FYN: variants seen among roughly 807,000 people sequenced by gnomAD.
The protein encoded by FYN is FYN proto-oncogene, Src family tyrosine kinase, also known as tyrosine-protein kinase Fyn.
Under a neutral mutation model 70.2 loss-of-function variants are expected in FYN, and 10 were observed. The observed-to-expected ratio is 0.14, with a 90% CI of 0.09 to 0.24. The LOEUF is 0.24. Among genes scored for constraint, FYN ranks in the 10% least tolerant of loss-of-function variants. The probability of loss-of-function intolerance (pLI) is 1.00; values close to 1 mark genes in which losing one functional copy is unlikely to be tolerated. For missense variants in FYN, 319 were observed against 673.1 expected, an observed-to-expected ratio of 0.47 and a Z score of 5.82; for synonymous variants, 236 against 248.6, an observed-to-expected ratio of 0.95 and a Z score of 0.48.
intron 3 of FYN, among the ~76,000 whole-genome samples, chr6:111,775,259 C>T (rs1053252024): frequency 2.6e-5 from 4 of 152,176 alleles, no homozygotes; most frequent in South Asian, 2.1e-4. Flanking sequence ...ATAAAAACTA[C>T]AGCATAGTGT....
At chr6:111,679,454 T>G (rs1798690728) in intron 12 of FYN, among the ~76,000 whole-genome samples, 2 of 152,212 alleles carry the variant, frequency 1.3e-5, no homozygotes, top group South Asian at 4.1e-4. Flanking sequence ...GGAGCATGTC[T>G]TCCCAGATGG....
intron 3 of FYN, among the ~76,000 whole-genome samples, chr6:111,752,739 A>G (rs1802543726): frequency 6.6e-6 from 1 of 152,184 alleles, no homozygotes; most frequent in African/African-American, 2.4e-5. Context: ...AAGAGTTCTA[A>G]GCAAGAATGA....
At chr6:111,773,477 G>A (rs111210427) in intron 3 of FYN, among the ~76,000 whole-genome samples, 1,802 of 44,674 alleles carry the variant, frequency 0.04, 125 homozygotes, top group African/African-American at 0.14. Flanking sequence ...AAGGGAAAAC[G>A]AGAGGGAGAG....
chr6:111,873,402 C>A lies in FYN; in HGVS notation c.-557G>T, dbSNP rs1554298270. On this transcript the variant is annotated 5_prime_UTR_variant, in exon 1 of 14. Coordinates refer to ENST00000354650, the MANE Select transcript of FYN (RefSeq NM_002037.5). ...CTGACAGATGGCGCAACTGCAACGA[C>A]GCGCCGCCGCCACCAGCGCGGCTGC... 2 of 151,730 alleles carry A rather than the reference C, an allele frequency of 1.3e-5. No homozygotes were observed. Among genetic ancestry groups the A allele is most frequent in the Admixed American group, 6.5e-5 (1 of 15,274 alleles). 9.4% of individuals were successfully genotyped at this position (151,730 alleles called of 1,614,324 possible).
chr6:111,872,500 G>A (rs1029830127), intron 1 of FYN, among the ~76,000 whole-genome samples: 1 of 138,352 alleles, frequency 7.2e-6, no homozygotes, highest in Non-Finnish European at 1.6e-5. Context: ...GAAGGCGACC[G>A]CCGCCGAGGG....
intron 5 of FYN, 119 bp downstream of exon 5, chr6:111,714,228 A>G (rs1800516441): frequency 8.9e-6 from 6 of 674,788 alleles, no homozygotes; most frequent in Middle Eastern, 2.4e-4. Flanking sequence ...GTTGTAAACC[A>G]GTGAATTTAG....
intron 2 of FYN, among the ~76,000 whole-genome samples, chr6:111,796,333 T>C (rs1449448332): frequency 6.6e-6 from 1 of 152,250 alleles, no homozygotes; most frequent in East Asian, 1.9e-4. Flanking sequence ...CTGTGCTTTT[T>C]CTATGTTTAG....
chr6:111,703,187 T>C (rs1391520042), intron 7 of FYN, among the ~76,000 whole-genome samples, 153 bp from the exon 8 acceptor site: 1 of 152,220 alleles, frequency 6.6e-6, no homozygotes, highest in African/African-American at 2.4e-5. Flanking sequence ...AGGAAGAAGA[T>C]GCTTCTTGAT....
intron 3 of FYN, among the ~76,000 whole-genome samples, chr6:111,734,732 C>A (rs1256972379): frequency 3.3e-5 from 5 of 152,208 alleles, no homozygotes; most frequent in Non-Finnish European, 7.3e-5. Flanking sequence ...TCCGAAATCA[C>A]CATAGTAACA....
Position 111,694,970 on chromosome 6 carries a change from C to T in FYN, c.1043-266G>A, listed in dbSNP as rs538044451. Among the ~76,000 whole-genome samples the T allele has an allele frequency of 2.1e-4, 32 of 152,266 alleles. No homozygotes were observed. Among genetic ancestry groups the T allele is most frequent in the Non-Finnish European group, 3.7e-4 (25 of 68,028 alleles). On this transcript the variant is annotated intron_variant, in intron 10 of 13. Coordinates refer to ENST00000354650, the MANE Select transcript of FYN (RefSeq NM_002037.5). This position sits in a 1 kb window ranked among gnomAD's most constrained non-coding sequence, Gnocchi z 5.0. ...TTTGATAAAACTAGAAGAAATGGGA[C>T]TCAATCTCCCTGTATGTCATAAAGA...
chr6:111,829,640 T>A (rs574822567), intron 2 of FYN, among the ~76,000 whole-genome samples: 1 of 152,296 alleles, frequency 6.6e-6, no homozygotes, highest in African/African-American at 2.4e-5. Context: ...AAACATAGGT[T>A]GAGAAGCTGA....
chr6:111,814,284 T>C (rs1772415469), intron 2 of FYN, among the ~76,000 whole-genome samples: 1 of 148,182 alleles, frequency 6.7e-6, no homozygotes, highest in Non-Finnish European at 1.5e-5. Flanking sequence ...TCTGGTTTTA[T>C]GAGTTGTTAT....
At chr6:111,664,186 A>T (rs926898711) in intron 13 of FYN, among the ~76,000 whole-genome samples, 1 of 152,196 alleles carries the variant, frequency 6.6e-6, no homozygotes, top group Non-Finnish European at 1.5e-5. Context: ...CCTTGGTTTC[A>T]TATTTCAGCA....
intron 12 of FYN, among the ~76,000 whole-genome samples, chr6:111,675,551 T>C (rs1028692343): frequency 2.6e-5 from 4 of 152,128 alleles, no homozygotes; most frequent in African/African-American, 9.7e-5. Flanking sequence ...CCCAGCACCT[T>C]ACAAGGCAGA....
intron 2 of FYN, among the ~76,000 whole-genome samples, chr6:111,804,288 G>C (rs892468840): frequency 3.9e-5 from 6 of 152,160 alleles, no homozygotes; most frequent in Non-Finnish European, 7.4e-5. Flanking sequence ...GATTTTATGG[G>C]GGAACTGGGG....
intron 12 of FYN, among the ~76,000 whole-genome samples, chr6:111,677,473 G>C (rs760413166): frequency 1.3e-5 from 2 of 152,222 alleles, no homozygotes; most frequent in Non-Finnish European, 2.9e-5. Context: ...AGCTCTAAAT[G>C]TGGTGGAGTT....
At chr6:111,706,897 C>T (rs1219426041) in intron 6 of FYN, among the ~76,000 whole-genome samples, 1 of 152,022 alleles carries the variant, frequency 6.6e-6, no homozygotes, top group Non-Finnish European at 1.5e-5. Context: ...AACACAGTCA[C>T]TAGGAGAAAG....
chr6:111,771,395 C>T lies in FYN; in HGVS notation c.-12+9171G>A, dbSNP rs140407498. ...TTCCTTTAAACTTACATATGAAATA[C>T]CTACTATTGTAATGTTAACCTACCA... On this transcript the variant is annotated intron_variant, in intron 3 of 13. Coordinates refer to ENST00000354650, the MANE Select transcript of FYN (RefSeq NM_002037.5). Among the ~76,000 whole-genome samples the T allele has an allele frequency of 8.9e-4, 136 of 152,208 alleles. 3 individuals are homozygous for T. The highest frequency in any genetic ancestry group is 4.6e-4 in the Non-Finnish European group (31 of 68,012).
intron 6 of FYN, among the ~76,000 whole-genome samples, 185 bp downstream of exon 6, chr6:111,707,736 GA>G (rs1298310812): frequency 1.3e-5 from 2 of 152,170 alleles, no homozygotes; most frequent in African/African-American, 4.8e-5. Flanking sequence ...CAGGCTTCAA[GA>G]GAAACATTAA....
Sources: allele counts gnomAD v4.1 joint callset (sites outside exome capture counted in the v4.1 genomes callset), GRCh38; gene constraint gnomAD v4.1.1; non-coding constraint Gnocchi (gnomAD v3.1); transcripts MANE v1.5; gene names NCBI Gene and HGNC (gene_info 2026-07-23, HGNC 2026-07-21).